The following TET3 variants were observed in gnomAD, a reference collection of about 807,000 sequenced individuals.
The protein encoded by TET3 is methylcytosine dioxygenase TET3.
Under a neutral mutation model 141.4 loss-of-function variants are expected in TET3, and 19 were observed. That is an observed-to-expected ratio of 0.13 (90% CI 0.09 to 0.20). TET3 has a LOEUF of 0.20. TET3 is among the 10% of genes least tolerant of loss of function. TET3 has a pLI of 1.00. For synonymous variants in TET3, 1,043 were observed against 980.9 expected (o/e 1.06, Z -1.18); for missense variants, 1,874 against 2,356.9 (o/e 0.80, Z 4.24).
chr2:74,127,390 C>G, the TET3 span, among the ~76,000 whole-genome samples: 1 of 152,162 alleles, frequency 6.6e-6, no homozygotes, highest in African/African-American at 2.4e-5. Context: ...AATAAAGCCT[C>G]TCATCTTGCT....
At chr2:74,129,264 C>T in the TET3 span, among the ~76,000 whole-genome samples, 8 of 115,630 alleles carry the variant, frequency 6.9e-5, no homozygotes, top group East Asian at 8.4e-4. Flanking sequence ...TGCAGTGAGC[C>T]GAGATTGCAC....
At chr2:74,005,728 G>A (rs547468707) in intron 3 of TET3, among the ~76,000 whole-genome samples, 1 of 152,322 alleles carries the variant, frequency 6.6e-6, no homozygotes, top group East Asian at 1.9e-4. Flanking sequence ...GCTAAGTCCT[G>A]CCAGGGTTTC....
At chr2:74,077,612 A>G (rs1303427280) in intron 5 of TET3, among the ~76,000 whole-genome samples, 1 of 151,160 alleles carries the variant, frequency 6.6e-6, no homozygotes, top group Non-Finnish European at 1.5e-5. Context: ...AGAGACAGTC[A>G]GTTCTGTTTT....
intron 4 of TET3, among the ~76,000 whole-genome samples, chr2:74,061,600 C>T (rs1285110989): frequency 2.1e-5 from 3 of 144,016 alleles, no homozygotes; most frequent in Admixed American, 6.8e-5. Flanking sequence ...GGGGGCTGAC[C>T]CCCCCCACCT....
chr2:74,067,338 G>A (rs544616387), intron 4 of TET3, among the ~76,000 whole-genome samples: 21 of 152,198 alleles, frequency 1.4e-4, no homozygotes, highest in Non-Finnish European at 2.8e-4. Context: ...GCTCATAAAG[G>A]TTGTGTAATT....
At position 74,032,451 on chromosome 2, in the gene TET3, CTGTGTGTGTGTGTGTG is replaced by C. The variant is rs61217149; in HGVS notation, c.361-13785_361-13770del. On this transcript the variant is annotated intron_variant, in intron 3 of 11. Coordinates refer to ENST00000409262, the MANE Select transcript of TET3 (RefSeq NM_001287491.2). The stretch of plus-strand genomic sequence containing the variant: ...CAGCGGCTGCAAGAGGGGTGTGTCT[CTGTGTGTGTGTGTGTG>C]TGTGTGTGTGTGTGTGTGTGTGTGT... Among the ~76,000 whole-genome samples, 55 of 71,950 alleles carry C rather than the reference CTGTGTGTGTGTGTGTG, an allele frequency of 7.6e-4. 1 individual carries two copies. The highest frequency in any genetic ancestry group is 3.4e-3 in the African/African-American group (30 of 8,816). 47.2% of individuals were successfully genotyped at this position (71,950 alleles called of 152,430 possible). A position where few individuals can be genotyped will look rare whatever the true frequency, so the allele number is the denominator to read the frequency against.
chr2:74,062,881 C>CTTTTTTTT (rs10649388), intron 4 of TET3, among the ~76,000 whole-genome samples: 2 of 121,438 alleles, frequency 1.6e-5, no homozygotes, highest in East Asian at 2.3e-4. Context: ...TCAGGTGAAA[C>CTTTTTTTT]TTTTTTTTTT....
the TET3 span, chr2:74,122,512 T>TATATATATATATATA: frequency 2.3e-5 from 1 of 43,148 alleles, no homozygotes; most frequent in African/African-American, 1.0e-4. Flanking sequence ...TATATATATA[T>TATATATATATATATA]TTTTTTTTTT....
At chr2:74,002,969 C>G in intron 2 of TET3, 141 bp from the exon 3 acceptor site, 1 of 823,778 alleles carries the variant, frequency 1.2e-6, no homozygotes, top group South Asian at 1.6e-5. Context: ...GAAGATGGTC[C>G]CAGATAGCCT....
chr2:74,000,982 T>A (rs1684822943), intron 2 of TET3, among the ~76,000 whole-genome samples: 1 of 151,936 alleles, frequency 6.6e-6, no homozygotes, highest in Admixed American at 6.6e-5. Context: ...GGGGGGTAGG[T>A]GTGAGGGCAG....
chr2:74,092,131 C>G (rs1030074884), intron 8 of TET3, among the ~76,000 whole-genome samples: 16 of 152,224 alleles, frequency 1.1e-4, no homozygotes, highest in African/African-American at 3.9e-4. Context: ...CGGCAAAACC[C>G]CATCTCTACT....
intron 3 of TET3, among the ~76,000 whole-genome samples, chr2:74,034,718 T>C (rs1260103523): frequency 6.6e-6 from 1 of 152,130 alleles, no homozygotes; most frequent in East Asian, 1.9e-4. Flanking sequence ...GATGTGATTT[T>C]TATGAGTAAT....
intron 2 of TET3, 111 bp from the exon 3 acceptor site, chr2:74,002,999 C>T: frequency 2.6e-6 from 3 of 1,147,200 alleles, no homozygotes; most frequent in East Asian, 2.6e-5. Context: ...AGGCTGTATC[C>T]CCTCCCGTTC....
intron 8 of TET3, among the ~76,000 whole-genome samples, chr2:74,091,643 G>C (rs1054093277): frequency 6.6e-6 from 1 of 152,242 alleles, no homozygotes; most frequent in Non-Finnish European, 1.5e-5. Context: ...CAGCCCTGGC[G>C]ACCCCACTGG....
At chr2:74,027,337 CTTT>C (rs10649560) in intron 3 of TET3, among the ~76,000 whole-genome samples, 1 of 139,656 alleles carries the variant, frequency 7.2e-6, no homozygotes. Context: ...TGAGAAGTGA[CTTT>C]TTTTTTTTTT....
the TET3 span, among the ~76,000 whole-genome samples, chr2:74,131,108 A>T: frequency 1.3e-5 from 2 of 152,082 alleles, no homozygotes; most frequent in East Asian, 3.9e-4. Context: ...TTCCCTCACT[A>T]ATGAGACTCT....
At chr2:74,001,845 C>T (rs1339676806) in intron 2 of TET3, among the ~76,000 whole-genome samples, 1 of 152,156 alleles carries the variant, frequency 6.6e-6, no homozygotes, top group Admixed American at 6.5e-5. Context: ...ATGGGAAGCC[C>T]TGAGGTCTGG....
At chr2:74,065,841 C>T (rs1688871292) in intron 4 of TET3, among the ~76,000 whole-genome samples, 1 of 151,842 alleles carries the variant, frequency 6.6e-6, no homozygotes, top group South Asian at 2.1e-4. Context: ...TCACTGCAAC[C>T]TCCGCCTCCC....
chr2:74,099,297 G>T lies in TET3; in HGVS notation c.3289G>T (p.Asp1097Tyr). 6.2e-7 allele frequency: 1 copy of T among 1,604,770 alleles called. No homozygotes were observed. Among genetic ancestry groups the T allele is most frequent in the East Asian group, 2.2e-5 (1 of 44,462 alleles). Residue 1097 changes from aspartate to tyrosine, a missense_variant, in exon 11 of 12, where the codon GAC (aspartate) becomes TAC (tyrosine). By Grantham distance (160) the Asp-to-Tyr change is radical. Around this residue, in one of 10 missense-constraint regions of TET3, gnomAD observed 53 missense variants for 112.8 expected, o/e 0.47. Transcript: ENST00000409262. ...GCAGGTCTGCACCCTGACCAAGGAA[G>T]ACAATCGCTGCGTGGGCAAGATTCC... ...CTVVCTLTKE[D>Y]NRCVGKIPED...
Sources: gnomAD v4.1 joint callset for allele counts (sites outside exome capture counted in the v4.1 genomes callset) on GRCh38, gnomAD v4.1.1 for gene constraint, gnomAD v4.1.1 regional missense constraint, MANE v1.5 for transcripts, NCBI Gene and HGNC (gene_info 2026-07-23, HGNC 2026-07-21) for gene names.